The following DYRK1A variants were observed in gnomAD, a reference collection of about 807,000 sequenced individuals.
The protein encoded by DYRK1A is dual specificity tyrosine-phosphorylation-regulated kinase 1A.
In DYRK1A, 9 loss-of-function variants were observed where a neutral mutation model predicts 79.7. The observed-to-expected ratio is 0.11, with a 90% CI of 0.07 to 0.20. The LOEUF (loss-of-function observed/expected upper bound fraction) is 0.20. DYRK1A is among the 10% of genes least tolerant of loss of function. The probability of loss-of-function intolerance (pLI) is 1.00; values close to 1 mark genes in which losing one functional copy is unlikely to be tolerated. For missense variants in DYRK1A, 622 were observed against 956.0 expected (o/e 0.65, Z 4.61); for synonymous variants, 349 against 329.7 (o/e 1.06, Z -0.63).
At chr21:37,510,271 ATTAAC>A (rs757444910) in intron 11 of DYRK1A, among the ~76,000 whole-genome samples, 1 of 152,216 alleles carries the variant, frequency 6.6e-6, no homozygotes, top group Non-Finnish European at 1.5e-5. Flanking sequence ...CAGTAACTTG[ATTAAC>A]TTCATATAAA....
At chr21:37,398,246 G>A (rs2049994222) in intron 1 of DYRK1A, among the ~76,000 whole-genome samples, 2 of 151,620 alleles carry the variant, frequency 1.3e-5, no homozygotes, top group South Asian at 4.2e-4. Context: ...CTGGAGGTGG[G>A]AGGATTGCTT....
intron 3 of DYRK1A, among the ~76,000 whole-genome samples, chr21:37,474,158 G>A (rs1264696521): frequency 6.6e-6 from 1 of 152,182 alleles, no homozygotes; most frequent in Non-Finnish European, 1.5e-5. Context: ...CTTCTTCTTA[G>A]ATACAGTGCT....
chr21:37,469,971 C>T (rs1445101850), intron 2 of DYRK1A, among the ~76,000 whole-genome samples: 1 of 152,122 alleles, frequency 6.6e-6, no homozygotes, highest in Non-Finnish European at 1.5e-5. Context: ...TGGTGAAACC[C>T]TGTCTCTACT....
Position 37,519,736 on chromosome 21 carries a change from G to GTGTTTTTTTTTTTT in DYRK1A, c.*7206_*7207insGTTTTTTTTTTTTT, listed in dbSNP as rs1329924530. The GTGTTTTTTTTTTTT allele has an allele frequency of 4.7e-5, 4 of 85,802 alleles. 1 individual carries two copies. Among genetic ancestry groups the GTGTTTTTTTTTTTT allele is most frequent in the African/African-American group, 1.9e-4 (4 of 20,580 alleles). 5.3% of individuals were successfully genotyped at this position (85,802 alleles called of 1,614,324 possible). The stretch of plus-strand genomic sequence containing the variant: ...AGAGTTTTGAGGTTTGTTGTGGGAA[G>GTGTTTTTTTTTTTT]TTTTTTTTTTTTTTTTTTTTTTTGA... On this transcript the variant is annotated 3_prime_UTR_variant, in exon 12 of 12. Transcript: ENST00000647188.
chr21:37,486,845 G>A (rs1012232859), intron 6 of DYRK1A: 1 of 328,336 alleles, frequency 3.0e-6, no homozygotes, highest in Admixed American at 4.9e-5. Flanking sequence ...AATGAGAATA[G>A]TGTGTGTGTG....
chr21:37,453,843 C>T (rs1471079779), intron 2 of DYRK1A, among the ~76,000 whole-genome samples: 2 of 152,072 alleles, frequency 1.3e-5, no homozygotes, highest in African/African-American at 4.8e-5. Flanking sequence ...TAGGAAAAGT[C>T]TTATTGGTGT....
intron 1 of DYRK1A, among the ~76,000 whole-genome samples, chr21:37,376,489 C>T (rs979910325): frequency 2.6e-5 from 4 of 151,956 alleles, no homozygotes; most frequent in Non-Finnish European, 5.9e-5. Flanking sequence ...AGTGAGACTT[C>T]GTCTCAATTT....
chr21:37,372,928 T>C (rs766690460), intron 1 of DYRK1A, among the ~76,000 whole-genome samples: 14 of 152,228 alleles, frequency 9.2e-5, no homozygotes, highest in Non-Finnish European at 1.8e-4. Context: ...ATTATTCATA[T>C]ATGTTCTTAT....
rs556482236 is a variant in DYRK1A at position 37,506,108 on chromosome 21, C to T, written c.1529C>T (p.Ser510Leu). The T allele has an allele frequency of 2.5e-5, 40 of 1,610,830 alleles. 1 individual carries two copies. Among genetic ancestry groups the T allele is most frequent in the Admixed American group, 3.3e-5 (2 of 59,986 alleles). ...SSTSSSSGGSSGTSNSGRARS... is the reference protein window; with the variant it reads ...SSTSSSSGGSLGTSNSGRARS... ...TGTTGTGATATTTCAGGTGGCTCAT[C>T]GGGGACAAGCAACAGTGGGAGAGCC... The change falls in exon 11 of 12, where the codon TCG (serine) becomes TTG (leucine). Residue 510 changes from serine to leucine, a missense_variant. Transcript: ENST00000647188.
At chr21:37,482,802 G>C (rs979139513) in intron 5 of DYRK1A, among the ~76,000 whole-genome samples, 2 of 152,132 alleles carry the variant, frequency 1.3e-5, no homozygotes, top group African/African-American at 4.8e-5. Flanking sequence ...ACCCTCAGGG[G>C]CTCATTCTCT....
chr21:37,483,201 C>T (rs564897542), intron 5 of DYRK1A, among the ~76,000 whole-genome samples: 21 of 152,192 alleles, frequency 1.4e-4, no homozygotes, highest in Non-Finnish European at 2.4e-4. Flanking sequence ...TAAAGACAGG[C>T]GTAAGAAATT....
At chr21:37,405,114 T>C (rs2050124251) in intron 1 of DYRK1A, among the ~76,000 whole-genome samples, 1 of 152,108 alleles carries the variant, frequency 6.6e-6, no homozygotes, top group Admixed American at 6.6e-5. Context: ...ATGGGGTAGG[T>C]AGATACTTAA....
At chr21:37,384,121 A>C (rs948031620) in intron 1 of DYRK1A, among the ~76,000 whole-genome samples, 2 of 152,170 alleles carry the variant, frequency 1.3e-5, no homozygotes, top group African/African-American at 2.4e-5. Flanking sequence ...AGGGGATCCC[A>C]GATAAAGCCA....
intron 3 of DYRK1A, 164 bp from the exon 4 acceptor site, chr21:37,478,044 A>G: frequency 1.1e-6 from 1 of 885,030 alleles, no homozygotes; most frequent in East Asian, 2.6e-5. Context: ...ATTGGAATCC[A>G]CATGAAAGGG....
At chr21:37,511,876 C>T (rs751858255) in intron 11 of DYRK1A, 35 bp from the exon 12 acceptor site, 12 of 1,590,702 alleles carry the variant, frequency 7.5e-6, no homozygotes, top group South Asian at 3.4e-5. Context: ...GGAAACAGTC[C>T]TCTGAAAAAT....
intron 1 of DYRK1A, among the ~76,000 whole-genome samples, chr21:37,388,609 C>G (rs1218471775): frequency 2.0e-5 from 3 of 151,304 alleles, no homozygotes; most frequent in Non-Finnish European, 4.4e-5. Flanking sequence ...AAGCAAGGAC[C>G]AGAAATTGCC....
intron 2 of DYRK1A, among the ~76,000 whole-genome samples, chr21:37,435,339 G>C (rs2050892990): frequency 6.6e-6 from 1 of 152,178 alleles, no homozygotes; most frequent in Admixed American, 6.5e-5. Flanking sequence ...GCTGTTGCTG[G>C]GGTTCAGGGA....
At chr21:37,482,910 G>T (rs1057432436) in intron 5 of DYRK1A, among the ~76,000 whole-genome samples, 27 of 152,202 alleles carry the variant, frequency 1.8e-4, no homozygotes, top group African/African-American at 5.3e-4. Context: ...GCCCGGGTCA[G>T]TGGTCAGAAT....
intron 9 of DYRK1A, 62 bp downstream of exon 9, chr21:37,496,320 T>C: frequency 6.7e-7 from 1 of 1,502,750 alleles, no homozygotes; most frequent in Non-Finnish European, 9.0e-7. Flanking sequence ...CCTGTCTTTT[T>C]ATAGCTCATT....
Sources: gnomAD v4.1 joint callset for allele counts (sites outside exome capture counted in the v4.1 genomes callset) on GRCh38, gnomAD v4.1.1 for gene constraint, MANE v1.5 for transcripts, NCBI Gene and HGNC (gene_info 2026-07-23, HGNC 2026-07-21) for gene names.